The following PCDH15 variants were observed in gnomAD, a reference collection of about 807,000 sequenced individuals.
PCDH15 encodes protocadherin-15.
Under a neutral mutation model 178.5 loss-of-function variants are expected in PCDH15, and 129 were observed. The observed-to-expected ratio is 0.72, with a 90% CI of 0.63 to 0.84. PCDH15 has a LOEUF of 0.84. Among genes scored for constraint, PCDH15 ranks in the 40% least tolerant of loss-of-function variants. The pLI is 0.00. For missense variants in PCDH15, 2,230 were observed against 2,099.9 expected (o/e 1.06, Z -1.21); for synonymous variants, 800 against 732.0 (o/e 1.09, Z -1.50).
At chr10:54,121,153 A>G (rs1475653940) in intron 15 of PCDH15, among the ~76,000 whole-genome samples, 1 of 137,520 alleles carries the variant, frequency 7.3e-6, no homozygotes, top group Non-Finnish European at 1.6e-5. Context: ...TCAAAACCCC[A>G]TGATTACATG....
intron 2 of PCDH15, among the ~76,000 whole-genome samples, chr10:55,510,481 T>A (rs1266090483): frequency 1.3e-5 from 2 of 151,732 alleles, no homozygotes; most frequent in Non-Finnish European, 2.9e-5. Context: ...CTTTATTGTT[T>A]AAAAAAAAGT....
At chr10:55,542,701 A>ACAC in intron 2 of PCDH15, among the ~76,000 whole-genome samples, 2 of 43,242 alleles carry the variant, frequency 4.6e-5, no homozygotes, top group African/African-American at 1.9e-4. Flanking sequence ...GTACATACAG[A>ACAC]CATATGTTTG....
chr10:54,017,453 A>G (rs1410965064), intron 20 of PCDH15, among the ~76,000 whole-genome samples: 1 of 152,218 alleles, frequency 6.6e-6, no homozygotes, highest in African/African-American at 2.4e-5. Context: ...AACACTATGC[A>G]GCCATAAAAA....
intron 2 of PCDH15, among the ~76,000 whole-genome samples, chr10:54,620,072 T>C (rs1224241197): frequency 6.6e-6 from 1 of 152,034 alleles, no homozygotes; most frequent in Admixed American, 6.6e-5. Flanking sequence ...TAAAGATATA[T>C]TGTTGATTAT....
At chr10:54,621,501 CA>C (rs1205634652) in intron 2 of PCDH15, among the ~76,000 whole-genome samples, 1 of 151,996 alleles carries the variant, frequency 6.6e-6, no homozygotes, top group Non-Finnish European at 1.5e-5. Context: ...CTCTTAAAAT[CA>C]GATGTTTTAA....
chr10:53,940,951 G>A lies in PCDH15; in HGVS notation c.3147C>T (p.Ala1049=). Residue 1049 remains alanine, a synonymous_variant, in exon 24 of 38, where the codon GCC becomes GCT. Coordinates refer to ENST00000644397, the MANE Select transcript of PCDH15 (RefSeq NM_001384140.1). The stretch of plus-strand genomic sequence containing the variant: ...TTACACCAACCATGGTCCCTTTGGT[G>A]GCAAGTTCACTTACTGGAGGAGGTC... ...EYRPPPVSEL[A]TKGTMVGVIS... 6.2e-7 allele frequency: 1 copy of A among 1,613,244 alleles called. No individual in the cohort carries two copies. Among genetic ancestry groups the A allele is most frequent in the South Asian group, 1.1e-5 (1 of 91,054 alleles).
chr10:54,979,456 G>A (rs533896873), intron 2 of PCDH15, among the ~76,000 whole-genome samples: 3 of 151,900 alleles, frequency 2.0e-5, no homozygotes, highest in Admixed American at 6.6e-5. Flanking sequence ...ATCACCTGAC[G>A]TCAGGAGTTC....
chr10:55,592,190 T>C (rs1564470809), intron 2 of PCDH15, among the ~76,000 whole-genome samples: 1 of 152,208 alleles, frequency 6.6e-6, no homozygotes, highest in Non-Finnish European at 1.5e-5. Context: ...CCAATCTCTA[T>C]TCTTCTCAAA....
At chr10:54,007,539 C>A (rs896138710) in intron 20 of PCDH15, among the ~76,000 whole-genome samples, 1 of 151,980 alleles carries the variant, frequency 6.6e-6, no homozygotes, top group Admixed American at 6.6e-5. Flanking sequence ...TCTATAAAAT[C>A]TTTTCAAGAA....
intron 9 of PCDH15, among the ~76,000 whole-genome samples, chr10:54,231,896 T>C (rs547472409): frequency 5.9e-5 from 9 of 152,280 alleles, no homozygotes; most frequent in South Asian, 2.1e-4. Flanking sequence ...CCCCATTGTA[T>C]CTTGTAAGTT....
intron 2 of PCDH15, among the ~76,000 whole-genome samples, chr10:55,004,146 TG>T (rs1839867331): frequency 6.6e-6 from 1 of 152,138 alleles, no homozygotes; most frequent in African/African-American, 2.4e-5. Flanking sequence ...TTGGTGGAAG[TG>T]GGGGAATGGA....
chr10:54,951,205 C>T (rs767016865), intron 2 of PCDH15, among the ~76,000 whole-genome samples: 14 of 151,960 alleles, frequency 9.2e-5, no homozygotes, highest in Middle Eastern at 3.4e-3. Context: ...AAAAATTACC[C>T]TGTGTTCCTA....
intron 2 of PCDH15, among the ~76,000 whole-genome samples, chr10:54,555,718 CAG>C (rs2087140685): frequency 8.5e-6 from 1 of 117,840 alleles, no homozygotes; most frequent in Non-Finnish European, 1.6e-5. Context: ...GCCTGGGTGA[CAG>C]AGCGAGACTC....
At chr10:54,340,587 G>C (rs1451725468) in intron 6 of PCDH15, among the ~76,000 whole-genome samples, 1 of 152,106 alleles carries the variant, frequency 6.6e-6, no homozygotes, top group Non-Finnish European at 1.5e-5. Flanking sequence ...GAGAGATTGA[G>C]GTGAGTTTTA....
chr10:54,542,747 G>A (rs1293041971), intron 2 of PCDH15, among the ~76,000 whole-genome samples: 1 of 151,914 alleles, frequency 6.6e-6, no homozygotes, highest in African/African-American at 2.4e-5. Flanking sequence ...TAAATGACAT[G>A]GAAGGGGGAA....
At chr10:54,200,026 T>C (rs1280471699) in intron 10 of PCDH15, among the ~76,000 whole-genome samples, 1 of 152,126 alleles carries the variant, frequency 6.6e-6, no homozygotes, top group Non-Finnish European at 1.5e-5. Context: ...AAGGAAATAC[T>C]GATAATTTCT....
chr10:54,479,675 T>G (rs2078566844), intron 3 of PCDH15, among the ~76,000 whole-genome samples: 1 of 152,054 alleles, frequency 6.6e-6, no homozygotes, highest in South Asian at 2.1e-4. Flanking sequence ...ACTTATGCTT[T>G]TTTCCATATA....
chr10:54,346,301 G>T, intron 6 of PCDH15, 64 bp downstream of exon 6: 1 of 1,491,720 alleles, frequency 6.7e-7, no homozygotes, highest in Non-Finnish European at 9.3e-7. Flanking sequence ...ATAACTATCA[G>T]CTGAAAAAAT....
chr10:55,360,331 T>C (rs1017483137), intron 2 of PCDH15, among the ~76,000 whole-genome samples: 19 of 151,984 alleles, frequency 1.3e-4, no homozygotes, highest in Non-Finnish European at 2.2e-4. Context: ...AATAAGAGGC[T>C]ATCTTCATGA....
Sources: gnomAD v4.1 joint callset for allele counts (sites outside exome capture counted in the v4.1 genomes callset) on GRCh38, gnomAD v4.1.1 for gene constraint, MANE v1.5 for transcripts, NCBI Gene and HGNC (gene_info 2026-07-23, HGNC 2026-07-21) for gene names.